VASH2: variants seen among roughly 807,000 people sequenced by gnomAD.
VASH2 encodes the protein vasohibin 2, also known as tubulinyl-Tyr carboxypeptidase 2.
A neutral mutation model predicts 37.2 loss-of-function variants in VASH2; 28 were observed. The ratio of observed to expected loss-of-function variants is 0.75; its 90% CI spans 0.56 to 1.03. The LOEUF is 1.03. Ranked by LOEUF, VASH2 falls within the 50% of genes least tolerant of loss-of-function variation. The pLI is 0.00. For synonymous variants in VASH2, 188 were observed against 174.7 expected (o/e 1.08, Z -0.60); for missense variants, 419 against 459.1 (o/e 0.91, Z 0.80).
chr1:212,956,998 C>T (rs1325758424), intron 2 of VASH2, among the ~76,000 whole-genome samples: 1 of 152,202 alleles, frequency 6.6e-6, no homozygotes, highest in African/African-American at 2.4e-5. Flanking sequence ...TAACTGAAAC[C>T]TTGTATCCAT....
At chr1:212,965,371 C>G (rs906808568) in intron 3 of VASH2, among the ~76,000 whole-genome samples, 1 of 152,160 alleles carries the variant, frequency 6.6e-6, no homozygotes, top group African/African-American at 2.4e-5. Context: ...CATAGCAAGA[C>G]CATGTCTTAA....
chr1:212,958,426 A>G (rs1217827013), intron 2 of VASH2, among the ~76,000 whole-genome samples: 2 of 152,306 alleles, frequency 1.3e-5, no homozygotes, highest in East Asian at 3.9e-4. Context: ...GCTGTTTTTA[A>G]AAGCCCTTGG....
At chr1:212,966,209 C>T in intron 4 of VASH2, 62 bp from the exon 5 acceptor site, 1 of 1,432,252 alleles carries the variant, frequency 7.0e-7, no homozygotes, top group Non-Finnish European at 9.6e-7. Flanking sequence ...GATGGATTGA[C>T]AGACTGACCG....
chr1:212,969,053 G>A, intron 5 of VASH2: 1 of 985,456 alleles, frequency 1.0e-6, no homozygotes, highest in Non-Finnish European at 1.2e-6. Context: ...CAGAGACAGT[G>A]TGCTCGTGGT....
chr1:212,981,234 C>G (rs1014125694), intron 7 of VASH2, among the ~76,000 whole-genome samples: 2 of 152,208 alleles, frequency 1.3e-5, no homozygotes, highest in African/African-American at 4.8e-5. Context: ...TCTTCTGGGC[C>G]GAATCCGTCT....
At position 212,971,282 on chromosome 1, in the gene VASH2, G is replaced by A. The variant is rs1305941411; in HGVS notation, c.498-1298G>A. On this transcript the variant is annotated intron_variant, in intron 5 of 7. Coordinates refer to ENST00000517399, the MANE Select transcript of VASH2 (RefSeq NM_001301056.2). This position sits in a 1 kb window ranked among gnomAD's most constrained non-coding sequence, Gnocchi z 4.0. ...GGGTGTACAAATACCTGCTGGGGTCGCTGCTTTCAATTCTTTTGGGTATGC... is the reference window on the plus strand; with the variant it reads ...GGGTGTACAAATACCTGCTGGGGTCACTGCTTTCAATTCTTTTGGGTATGC... Among the ~76,000 whole-genome samples, 2 of 152,188 alleles carry A rather than the reference G, an allele frequency of 1.3e-5. No individual in the cohort carries two copies. The highest frequency in any genetic ancestry group is 2.4e-5 in the African/African-American group (1 of 41,450).
At chr1:212,988,203 A>G (rs1008012082) in intron 7 of VASH2, among the ~76,000 whole-genome samples, 1 of 152,192 alleles carries the variant, frequency 6.6e-6, no homozygotes, top group Non-Finnish European at 1.5e-5. Context: ...TGCAAGGTTC[A>G]AGAGTACTGG....
intron 2 of VASH2, among the ~76,000 whole-genome samples, chr1:212,954,017 TC>T (rs1429868349): frequency 6.6e-6 from 1 of 151,804 alleles, no homozygotes; most frequent in Admixed American, 6.6e-5. Context: ...CAAGCAATCC[TC>T]CCACCTCAGC....
chr1:212,970,313 C>T (rs928858719), intron 5 of VASH2, among the ~76,000 whole-genome samples: 6 of 152,152 alleles, frequency 3.9e-5, no homozygotes, highest in African/African-American at 1.4e-4. Context: ...GGGAGAAATC[C>T]TCAAGATCAG....
rs2075828539 is a variant in VASH2, at chr1:212,989,087, T to G, written c.*503T>G. ...CTTAATGGCGTTTTGTTTTTTTATATTCTATTTGTATTCTTTCCCCAGTAT... is the reference window on the plus strand; with the variant it reads ...CTTAATGGCGTTTTGTTTTTTTATAGTCTATTTGTATTCTTTCCCCAGTAT... On this transcript the variant is annotated 3_prime_UTR_variant, in exon 8 of 8. Transcript: ENST00000517399. The G allele has an allele frequency of 6.3e-6, 1 of 159,186 alleles. No individual in the cohort carries two copies. The highest frequency in any genetic ancestry group is 1.4e-5 in the Non-Finnish European group (1 of 71,442). The allele number at this position is 159,186 out of a possible 1,614,324, so 9.9% of individuals were successfully genotyped here. A position where few individuals can be genotyped will look rare whatever the true frequency, so the allele number is the denominator to read the frequency against.
chr1:212,967,401 T>A, intron 5 of VASH2: 1 of 1,193,424 alleles, frequency 8.4e-7, no homozygotes, highest in Non-Finnish European at 1.1e-6. Context: ...AGAGCAAAGA[T>A]GCTCCGAAGT....
At chr1:212,964,591 C>CAGA (rs1666780688) in intron 3 of VASH2, among the ~76,000 whole-genome samples, 1 of 152,212 alleles carries the variant, frequency 6.6e-6, no homozygotes, top group Admixed American at 6.5e-5. Context: ...TCCCTGAGAC[C>CAGA]TTCTGGGCAG....
intron 2 of VASH2, among the ~76,000 whole-genome samples, chr1:212,959,915 G>C (rs1027405806): frequency 2.6e-5 from 4 of 152,242 alleles, no homozygotes; most frequent in Admixed American, 6.5e-5. Flanking sequence ...GGCTTAGCCT[G>C]GAGGAGCCTC....
Position 212,988,522 on chromosome 1 carries a change from C to A in VASH2, c.1006C>A (p.Pro336Thr). 6.2e-7 allele frequency: 1 copy of A among 1,614,106 alleles called. No individual in the cohort carries two copies. The highest frequency in any genetic ancestry group is 1.3e-5 in the African/African-American group (1 of 75,022). ...GTCTTTTACCCTTAGGCCTGCACTGCCTGAAAAGAAGGTGGCTGATCTGAG... is the reference window on the plus strand; with the variant it reads ...GTCTTTTACCCTTAGGCCTGCACTGACTGAAAAGAAGGTGGCTGATCTGAG... The part of the protein sequence containing the change: ...LGRREKSPAL[P>T]EKKVADLSTL... The change falls in exon 8 of 8, where the codon CCT becomes ACT. Residue 336 changes from proline to threonine, a missense_variant. Pro to Thr is a conservative substitution (Grantham distance 38). Around this residue, in one of 3 missense-constraint regions of VASH2, gnomAD observed 177 missense variants for 166.2 expected, o/e 1.06. Coordinates refer to ENST00000517399, the MANE Select transcript of VASH2 (RefSeq NM_001301056.2).
At position 212,966,363 on chromosome 1, in the gene VASH2, T is replaced by A; in HGVS notation, c.497+18T>A. The A allele has an allele frequency of 6.5e-7, 1 of 1,548,960 alleles. No homozygotes were observed. Among genetic ancestry groups the A allele is most frequent in the Non-Finnish European group, 8.7e-7 (1 of 1,144,460 alleles). ...CTGGGCATGTATCCTTTAAGTTATG[T>A]ATGCTTAGTTTACTCCATAAATGGC... On this transcript the variant is annotated intron_variant, in intron 5 of 7. Transcript: ENST00000517399.
At position 212,988,711 on chromosome 1, in the gene VASH2, A is replaced by G. The variant is rs77958064; in HGVS notation, c.*127A>G. On this transcript the variant is annotated 3_prime_UTR_variant, in exon 8 of 8. Coordinates refer to ENST00000517399, the MANE Select transcript of VASH2 (RefSeq NM_001301056.2). Reference sequence around the variant, plus strand: ...ATTTTATTTTTAAGGATTCACCTGGAAATAGAATCTGAGTGGGTGGTAACC... The same window carrying G: ...ATTTTATTTTTAAGGATTCACCTGGGAATAGAATCTGAGTGGGTGGTAACC... 7.0e-3 allele frequency: 7,235 copies of G among 1,035,990 alleles called. 343 individuals carry two copies. In the African/African-American group the frequency reaches 0.1, roughly 14 times the overall value. The allele number at this position is 1,035,990 out of a possible 1,614,324, so 64.2% of individuals were successfully genotyped here. A position where few individuals can be genotyped will look rare whatever the true frequency, so the allele number is the denominator to read the frequency against.
intron 4 of VASH2, 65 bp downstream of exon 4, chr1:212,965,843 T>A: frequency 2.0e-5 from 29 of 1,443,638 alleles, no homozygotes; most frequent in Non-Finnish European, 2.7e-5. Flanking sequence ...CAGCTTCCTC[T>A]CCCAACCTCT....
At chr1:212,981,488 G>A (rs1015672707) in intron 7 of VASH2, among the ~76,000 whole-genome samples, 1 of 152,158 alleles carries the variant, frequency 6.6e-6, no homozygotes, top group Admixed American at 6.5e-5. Flanking sequence ...ACCTGATTCT[G>A]GCCAGACTCC....
chr1:212,988,429 C>A, intron 7 of VASH2, 83 bp from the exon 8 acceptor site: 1 of 1,417,192 alleles, frequency 7.1e-7, no homozygotes, highest in Non-Finnish European at 9.9e-7. Context: ...ATTAGGAAAA[C>A]CGAGTAGAGG....
Sources: allele counts gnomAD v4.1 joint callset (sites outside exome capture counted in the v4.1 genomes callset), GRCh38; gene constraint gnomAD v4.1.1; regional missense constraint gnomAD v4.1.1; non-coding constraint Gnocchi (gnomAD v3.1); transcripts MANE v1.5; gene names NCBI Gene and HGNC (gene_info 2026-07-23, HGNC 2026-07-21).